TPRG1: variants seen among roughly 807,000 people sequenced by gnomAD.
TPRG1 encodes tumor protein p63 regulated 1.
Under a neutral mutation model 29.3 loss-of-function variants are expected in TPRG1, and 29 were observed. That is an observed-to-expected ratio of 0.99 (90% CI 0.74 to 1.35). The LOEUF (loss-of-function observed/expected upper bound fraction) is 1.35. TPRG1 is among the 40% of genes most tolerant of loss of function. The pLI is 0.00. For missense variants in TPRG1, 327 were observed against 335.0 expected (o/e 0.98, Z 0.19); for synonymous variants, 130 against 116.8 (o/e 1.11, Z -0.73).
chr3:189,020,045 G>C (rs1713206810), intron 3 of TPRG1, among the ~76,000 whole-genome samples: 1 of 151,844 alleles, frequency 6.6e-6, no homozygotes, highest in Admixed American at 6.6e-5. Flanking sequence ...ATTCTCTGAT[G>C]GTAGTTTGTA....
At chr3:189,210,378 C>T (rs75510763) in intron 2 of TPRG1, among the ~76,000 whole-genome samples, 6,331 of 152,202 alleles carry the variant, frequency 0.042, 191 homozygotes, top group Middle Eastern at 0.078. Flanking sequence ...ATGCCCATGA[C>T]CTCATCATGA....
At chr3:189,306,548 C>T (rs1721653690) in intron 4 of TPRG1, among the ~76,000 whole-genome samples, 1 of 152,188 alleles carries the variant, frequency 6.6e-6, no homozygotes, top group Non-Finnish European at 1.5e-5. Context: ...TTTTTCCTTT[C>T]CCTGCCCCTT....
intron 2 of TPRG1, among the ~76,000 whole-genome samples, chr3:189,130,666 A>G (rs1339327320): frequency 6.6e-6 from 1 of 152,226 alleles, no homozygotes; most frequent in African/African-American, 2.4e-5. Context: ...TCAAGCAACC[A>G]TTTATATATT....
At chr3:189,205,902 A>G (rs1734252065) in intron 1 of TPRG1, among the ~76,000 whole-genome samples, 1 of 152,218 alleles carries the variant, frequency 6.6e-6, no homozygotes, top group Non-Finnish European at 1.5e-5. Context: ...ACTGTCATCT[A>G]GAGATAACTA....
intron 3 of TPRG1, among the ~76,000 whole-genome samples, chr3:189,232,022 T>G (rs1008243939): frequency 6.6e-6 from 1 of 152,046 alleles, no homozygotes; most frequent in Non-Finnish European, 1.5e-5. Flanking sequence ...GTTTGTGATT[T>G]TTATTGTATT....
chr3:189,188,477 C>T (rs1308537746), intron 1 of TPRG1, among the ~76,000 whole-genome samples: 2 of 152,328 alleles, frequency 1.3e-5, no homozygotes, highest in Admixed American at 6.5e-5. Context: ...CCTGCCTTTA[C>T]TATCCTGTCT....
chr3:189,204,900 GTCTGTCTT>G (rs1394626496), intron 1 of TPRG1, among the ~76,000 whole-genome samples: 7 of 130,552 alleles, frequency 5.4e-5, no homozygotes, highest in African/African-American at 1.8e-4. Flanking sequence ...TGCCTCCTCT[GTCTGTCTT>G]TCTTTCTCTG....
intron 3 of TPRG1, among the ~76,000 whole-genome samples, chr3:189,007,909 A>AG (rs1366803082): frequency 6.2e-5 from 5 of 80,338 alleles, no homozygotes; most frequent in African/African-American, 2.0e-4. Context: ...GGGTGGGGGG[A>AG]GGGGGGAGGG....
chr3:189,119,472 A>G (rs1412806259), intron 1 of TPRG1, among the ~76,000 whole-genome samples: 1 of 152,206 alleles, frequency 6.6e-6, no homozygotes, highest in Admixed American at 6.5e-5. Context: ...ATGTGAGGAC[A>G]TGAGATTTGG....
intron 1 of TPRG1, among the ~76,000 whole-genome samples, chr3:189,190,041 G>T (rs1043829143): frequency 6.6e-6 from 1 of 152,146 alleles, no homozygotes; most frequent in Non-Finnish European, 1.5e-5. Flanking sequence ...TTTGAGAGTC[G>T]CATCATTTAG....
chr3:189,286,950 T>C (rs1273183782), intron 4 of TPRG1, among the ~76,000 whole-genome samples: 4 of 152,042 alleles, frequency 2.6e-5, no homozygotes. Context: ...GTGATTTAAT[T>C]GTAAGGATAA....
chr3:189,262,560 C>G lies in TPRG1; in HGVS notation c.479+23651C>G, dbSNP rs76254506. ...ATGGAGCTGACAGTCATGGGGCAAG[C>G]AGACAGTCATGAAATAATCATGTCT... is the stretch of plus-strand genomic sequence containing the variant. On this transcript the variant is annotated intron_variant, in intron 4 of 5. Coordinates refer to ENST00000345063, the MANE Select transcript of TPRG1 (RefSeq NM_198485.4). Among the ~76,000 whole-genome samples, 341 of 152,198 alleles carry G rather than the reference C, an allele frequency of 2.2e-3. 3 individuals carry two copies. Among genetic ancestry groups the G allele is most frequent in the Non-Finnish European group, 3.5e-3 (235 of 68,024 alleles).
At chr3:189,191,750 T>C (rs1369036110) in intron 1 of TPRG1, among the ~76,000 whole-genome samples, 1 of 152,198 alleles carries the variant, frequency 6.6e-6, no homozygotes, top group East Asian at 1.9e-4. Context: ...ACCTGGGCTC[T>C]CCTTCCTGGT....
chr3:189,289,122 C>T (rs1229009549), intron 4 of TPRG1, among the ~76,000 whole-genome samples: 1 of 152,184 alleles, frequency 6.6e-6, no homozygotes, highest in African/African-American at 2.4e-5. Context: ...ACTTCTTCCC[C>T]GTGGCTGTCT....
chr3:189,192,525 G>C (rs1731850322), intron 1 of TPRG1, among the ~76,000 whole-genome samples: 2 of 152,156 alleles, frequency 1.3e-5, no homozygotes, highest in Admixed American at 1.3e-4. Context: ...GGCAAAAATT[G>C]AAAAGAGTAA....
At chr3:189,210,281 G>A (rs1466374939) in intron 2 of TPRG1, among the ~76,000 whole-genome samples, 2 of 152,020 alleles carry the variant, frequency 1.3e-5, no homozygotes, top group African/African-American at 2.4e-5. Flanking sequence ...TTTATAAATG[G>A]CATCTCATTG....
At position 189,280,914 on chromosome 3, in the gene TPRG1, G is replaced by A. The variant is rs569547442; in HGVS notation, c.480-29472G>A. ...CCTAAGCAGAACCACTTTTAACTACGTATCTATTCTCCTTCGGGAGACCCA... is the reference window on the plus strand; with the variant it reads ...CCTAAGCAGAACCACTTTTAACTACATATCTATTCTCCTTCGGGAGACCCA... On this transcript the variant is annotated intron_variant, in intron 4 of 5. Coordinates refer to ENST00000345063, the MANE Select transcript of TPRG1 (RefSeq NM_198485.4). 5.1e-4 allele frequency among the ~76,000 whole-genome samples: 77 copies of A among 152,178 alleles called. 4 individuals are homozygous for A. The South Asian group carries it at 0.014, about 28-fold the overall frequency.
chr3:189,022,378 C>G (rs1347443549), intron 3 of TPRG1, among the ~76,000 whole-genome samples: 3 of 147,826 alleles, frequency 2.0e-5, no homozygotes, highest in Non-Finnish European at 3.0e-5. Flanking sequence ...TACTTTTGGT[C>G]TTTGATGATG....
chr3:189,228,662 G>A (rs1161996048), intron 3 of TPRG1, among the ~76,000 whole-genome samples: 1 of 152,054 alleles, frequency 6.6e-6, no homozygotes, highest in African/African-American at 2.4e-5. Context: ...CATGCTGTTG[G>A]GTAATGTCTA....
Sources: gnomAD v4.1 joint callset for allele counts (sites outside exome capture counted in the v4.1 genomes callset) on GRCh38, gnomAD v4.1.1 for gene constraint, MANE v1.5 for transcripts, NCBI Gene and HGNC (gene_info 2026-07-23, HGNC 2026-07-21) for gene names.